NAPA: variants seen among roughly 807,000 people sequenced by gnomAD.
NAPA encodes the protein alpha-soluble NSF attachment protein.
Under a neutral mutation model 48.0 loss-of-function variants are expected in NAPA, and 18 were observed. That is an observed-to-expected ratio of 0.38 (90% CI 0.26 to 0.56). The LOEUF (loss-of-function observed/expected upper bound fraction) is 0.56, where lower values mean the gene tolerates loss of function less well. Among genes scored for constraint, NAPA ranks in the 20% least tolerant of loss-of-function variants. The pLI, the probability that NAPA is intolerant of heterozygous loss-of-function variation, is 0.77. For synonymous variants in NAPA, 152 were observed against 149.9 expected (o/e 1.01, Z -0.10); for missense variants, 315 against 385.0 (o/e 0.82, Z 1.52).
rs373839288 is a variant in NAPA, at chr19:47,492,399, G to A, written c.562-280C>T. 3 of 467,732 alleles carry A rather than the reference G, an allele frequency of 6.4e-6. No homozygotes were observed. The East Asian group carries it at 1.2e-4, about 18-fold the overall frequency. The allele number at this position is 467,732 out of a possible 1,614,324, so 29.0% of individuals were successfully genotyped here. ...TGAGAGCCTGAGACAGTGGGAAGGA[G>A]GCAGCCTGGCTGTCAGGACCAACGG... On this transcript the variant is annotated intron_variant, in intron 7 of 10. Transcript: ENST00000263354.
chr19:47,488,164 C>T lies in NAPA; in HGVS notation c.*124G>A, dbSNP rs1968126240. On this transcript the variant is annotated 3_prime_UTR_variant, in exon 11 of 11. Coordinates refer to ENST00000263354, the MANE Select transcript of NAPA (RefSeq NM_003827.4). ...CCTGCATGCTGACCCCCGGTGCCAC[C>T]TGCCCACTGTGGCCCGCGGCACTCC... The T allele has an allele frequency of 3.4e-6, 3 of 869,984 alleles. No individual in the cohort carries two copies. The South Asian group carries it at 4.9e-5, about 14-fold the overall frequency. The allele number at this position is 869,984 out of a possible 1,614,324, so 53.9% of individuals were successfully genotyped here.
In NAPA at chr19:47,500,726, C is replaced by A. The variant is rs1420615098; in HGVS notation, c.202G>T (p.Ala68Ser). 28 of 1,607,654 alleles carry A rather than the reference C, an allele frequency of 1.7e-5. No homozygotes were observed. The highest frequency in any genetic ancestry group is 2.1e-5 in the Non-Finnish European group (25 of 1,177,038). Residue 68 changes from alanine to serine, a missense_variant, in exon 3 of 11, where the codon GCT (alanine) becomes TCT (serine). Physicochemically the swap from Ala to Ser is moderately conservative, Grantham distance 99. Coordinates refer to ENST00000263354, the MANE Select transcript of NAPA (RefSeq NM_003827.4). ...WSAAGNAFCQ[A>S]AQLHLQLQSK... ...TGGAGCTGCAGGTGCAGCTGTGCAG[C>A]CTGGCAGAACGCGTTTCCAGCAGCT...
intron 1 of NAPA, among the ~76,000 whole-genome samples, chr19:47,514,585 T>C (rs1257824479): frequency 6.6e-6 from 1 of 152,118 alleles, no homozygotes; most frequent in Non-Finnish European, 1.5e-5. Context: ...CTCAAGATAG[T>C]GTCGCCTCGG....
At chr19:47,511,124 G>C (rs1439307016) in intron 1 of NAPA, among the ~76,000 whole-genome samples, 1 of 152,228 alleles carries the variant, frequency 6.6e-6, no homozygotes. Flanking sequence ...TGTCATTGCT[G>C]GGGTTCCCAA....
intron 1 of NAPA, among the ~76,000 whole-genome samples, chr19:47,514,543 G>A (rs1685628026): frequency 2.6e-5 from 4 of 152,108 alleles, no homozygotes; most frequent in Admixed American, 2.6e-4. Flanking sequence ...CCCGCCCGCT[G>A]GCCTGTCTTC....
chr19:47,495,729 T>C, intron 3 of NAPA, 133 bp from the exon 4 acceptor site: 1 of 780,180 alleles, frequency 1.3e-6, no homozygotes. Flanking sequence ...CTGCCAGCGC[T>C]GCCACACACT....
In NAPA at chr19:47,503,615, T is replaced by C. The variant is rs989947774; in HGVS notation, c.99-113A>G. 4 of 986,730 alleles carry C rather than the reference T, an allele frequency of 4.1e-6. No individual in the cohort carries two copies. The African/African-American group carries it at 6.4e-5, about 16-fold the overall frequency. The allele number at this position is 986,730 out of a possible 1,614,324, so 61.1% of individuals were successfully genotyped here. ...GTGCCCCTACCCCTCACCCTTCACC[T>C]GTGAAGCCAGCTTCCCCCAGGCCTC... is the stretch of plus-strand genomic sequence containing the variant. On this transcript the variant is annotated intron_variant, in intron 1 of 10. Transcript: ENST00000263354.
intron 3 of NAPA, chr19:47,496,845 G>T (rs761213678): frequency 1.5e-5 from 7 of 456,072 alleles, no homozygotes. Flanking sequence ...GGGTCCATAA[G>T]CACTCCTCTG....
At chr19:47,486,473 G>A (rs556898548), downstream of NAPA, among the ~76,000 whole-genome samples, 1 of 152,214 alleles carries the variant, frequency 6.6e-6, no homozygotes, top group East Asian at 1.9e-4. Flanking sequence ...CCTAATTTTT[G>A]TATTTCTAGC....
intron 1 of NAPA, 121 bp downstream of exon 1, chr19:47,514,722 A>T (rs2122790752): frequency 3.3e-6 from 3 of 898,640 alleles, no homozygotes; most frequent in South Asian, 3.1e-5. Context: ...ATGTCACCTT[A>T]TTGCAGGTTC....
At position 47,503,426 on chromosome 19, in the gene NAPA, T is replaced by G. The variant is rs749878122; in HGVS notation, c.175A>C (p.Ser59Arg). Residue 59 changes from serine to arginine, a missense_variant, in exon 2 of 11, where the codon AGT becomes CGT. Around this residue, in one of 3 missense-constraint regions of NAPA, gnomAD observed 173 missense variants for 213.5 expected, o/e 0.81. Coordinates refer to ENST00000263354, the MANE Select transcript of NAPA (RefSeq NM_003827.4). Reference protein sequence around the residue: ...ANMFKMAKNWSAAGNAFCQAA... With the variant: ...ANMFKMAKNWRAAGNAFCQAA... ...AGCTCTAGCGGAGATGACATACCAC[T>G]CCAGTTTTTGGCCATTTTGAACATG... 6.2e-7 allele frequency: 1 copy of G among 1,613,906 alleles called. No individual in the cohort carries two copies. The highest frequency in any genetic ancestry group is 1.1e-5 in the South Asian group (1 of 91,088).
chr19:47,500,738 C>T lies in NAPA; in HGVS notation c.190G>A (p.Ala64Thr), dbSNP rs766063338. 8.1e-6 allele frequency: 13 copies of T among 1,604,744 alleles called. No individual in the cohort carries two copies. Among genetic ancestry groups the T allele is most frequent in the Middle Eastern group, 1.7e-4 (1 of 6,034 alleles). The part of the protein sequence containing the change: ...MAKNWSAAGN[A>T]FCQAAQLHLQ... The stretch of plus-strand genomic sequence containing the variant: ...TGCAGCTGTGCAGCCTGGCAGAACG[C>T]GTTTCCAGCAGCTGGAACAGAAGAG... The change falls in exon 3 of 11, where the codon GCG (alanine) becomes ACG (threonine). Residue 64 changes from alanine (A) to threonine (T), a missense_variant. Physicochemically the swap from Ala to Thr is moderately conservative, Grantham distance 58. Around this residue, in one of 3 missense-constraint regions of NAPA, gnomAD observed 173 missense variants for 213.5 expected, o/e 0.81. Transcript: ENST00000263354.
At chr19:47,497,771 G>A (rs1968467527) in intron 3 of NAPA, among the ~76,000 whole-genome samples, 1 of 152,232 alleles carries the variant, frequency 6.6e-6, no homozygotes, top group Non-Finnish European at 1.5e-5. Context: ...AGTAAAATGG[G>A]GGCAAATCAC....
intron 7 of NAPA, chr19:47,492,600 C>T (rs1360607090): frequency 4.6e-6 from 2 of 430,570 alleles, no homozygotes; most frequent in Non-Finnish European, 8.8e-6. Context: ...TGGATGAGGA[C>T]CATCGGGCCA....
intron 1 of NAPA, among the ~76,000 whole-genome samples, chr19:47,512,295 A>C (rs1599921902): frequency 2.0e-5 from 3 of 150,958 alleles, no homozygotes; most frequent in African/African-American, 4.9e-5. Flanking sequence ...CCCCGGCCCC[A>C]CTCCCCAGCA....
intron 1 of NAPA, among the ~76,000 whole-genome samples, chr19:47,514,409 TCAAA>T (rs1366442384): frequency 1.3e-5 from 2 of 152,030 alleles, no homozygotes; most frequent in East Asian, 3.9e-4. Flanking sequence ...CTGAGAGCCT[TCAAA>T]CAGACTCCCC....
At chr19:47,514,803 T>C in intron 1 of NAPA, 40 bp downstream of exon 1, 1 of 1,590,498 alleles carries the variant, frequency 6.3e-7, no homozygotes, top group Non-Finnish European at 8.6e-7. Flanking sequence ...CTTCGTCCTC[T>C]CAGCCTAGGT....
At chr19:47,513,538 A>C (rs1968844370) in intron 1 of NAPA, among the ~76,000 whole-genome samples, 1 of 152,222 alleles carries the variant, frequency 6.6e-6, no homozygotes, top group African/African-American at 2.4e-5. Context: ...GGCACTTCTA[A>C]GCCACTACAA....
intron 9 of NAPA, 24 bp from the exon 10 acceptor site, chr19:47,489,785 G>A (rs1278705689): frequency 1.9e-6 from 3 of 1,613,572 alleles, no homozygotes; most frequent in African/African-American, 2.7e-5. Flanking sequence ...GCAGAGAGGG[G>A]TCAGGGGCCT....
Sources: allele counts gnomAD v4.1 joint callset (sites outside exome capture counted in the v4.1 genomes callset), GRCh38; gene constraint gnomAD v4.1.1; regional missense constraint gnomAD v4.1.1; transcripts MANE v1.5; gene names NCBI Gene and HGNC (gene_info 2026-07-23, HGNC 2026-07-21).